DNAJC5B: variants seen among roughly 807,000 people sequenced by gnomAD.
DNAJC5B encodes dnaJ homolog subfamily C member 5B.
Under a neutral mutation model 24.7 loss-of-function variants are expected in DNAJC5B, and 23 were observed. The ratio of observed to expected loss-of-function variants is 0.93; its 90% CI spans 0.67 to 1.32. The LOEUF (loss-of-function observed/expected upper bound fraction) is 1.32. Among genes scored for constraint, DNAJC5B ranks in the 40% most tolerant of loss-of-function variants. The probability of loss-of-function intolerance (pLI) is 0.00; values close to 1 mark genes in which losing one functional copy is unlikely to be tolerated. For synonymous variants in DNAJC5B, 101 were observed against 90.1 expected, an observed-to-expected ratio of 1.12 and a Z score of -0.68; for missense variants, 238 against 240.8, an observed-to-expected ratio of 0.99 and a Z score of 0.08.
chr8:66,089,613 A>G (rs184217094), intron 5 of DNAJC5B, among the ~76,000 whole-genome samples: 1 of 152,300 alleles, frequency 6.6e-6, no homozygotes, highest in East Asian at 1.9e-4. Context: ...CCTTGACTCT[A>G]GCTAAAGTCT....
intron 4 of DNAJC5B, among the ~76,000 whole-genome samples, chr8:66,079,093 A>T (rs1446262398): frequency 6.6e-6 from 1 of 152,186 alleles, no homozygotes; most frequent in Non-Finnish European, 1.5e-5. Flanking sequence ...ATAACTTCAC[A>T]TTGGAGGAGT....
At chr8:66,021,851 G>A (rs1432778254) in intron 1 of DNAJC5B, 146 bp downstream of exon 1, 1 of 152,256 alleles carries the variant, frequency 6.6e-6, no homozygotes. Context: ...CATGAAGCCG[G>A]ACGGTGAGGA....
rs190137671 is a variant in DNAJC5B, at chr8:66,035,587, G to A, written c.-141-7901G>A. Among the ~76,000 whole-genome samples the A allele has an allele frequency of 6.6e-5, 10 of 152,286 alleles. No homozygotes were observed. In the East Asian group the frequency reaches 9.6e-4, roughly 15 times the overall value. ...GTGACACAAACCAATGATTGCTGGC[G>A]GCACAAGAGGCCAAGAGAAAGACAT... On this transcript the variant is annotated intron_variant, in intron 1 of 5. Transcript: ENST00000276570.
chr8:66,069,798 C>T (rs1807305087), intron 3 of DNAJC5B, among the ~76,000 whole-genome samples: 2 of 152,198 alleles, frequency 1.3e-5, no homozygotes, highest in South Asian at 4.1e-4. Flanking sequence ...AACATGGATG[C>T]AAAAATCCTC....
intron 5 of DNAJC5B, among the ~76,000 whole-genome samples, chr8:66,083,433 T>TAATGTTGTCTACATTTTTAGGG (rs1264100402): frequency 1.3e-5 from 2 of 152,228 alleles, no homozygotes; most frequent in African/African-American, 4.8e-5. Flanking sequence ...TCATTATTGA[T>TAATGTTGTCTACATTTTTAGGG]AATGTTGTCT....
chr8:66,032,021 C>T (rs1806371089), intron 1 of DNAJC5B, among the ~76,000 whole-genome samples: 1 of 152,220 alleles, frequency 6.6e-6, no homozygotes, highest in African/African-American at 2.4e-5. Context: ...TAGTCTTATT[C>T]CCATTTACTC....
chr8:66,067,208 C>T (rs1475028605), intron 3 of DNAJC5B, among the ~76,000 whole-genome samples: 1 of 150,308 alleles, frequency 6.7e-6, no homozygotes. Context: ...CACCGCCCCC[C>T]ACCCCCACAT....
At chr8:66,096,982 C>T (rs2128967390) in intron 5 of DNAJC5B, among the ~76,000 whole-genome samples, 1 of 152,178 alleles carries the variant, frequency 6.6e-6, no homozygotes, top group Admixed American at 6.5e-5. Flanking sequence ...ACCCGTGTAA[C>T]CTTGGCCTAG....
intron 1 of DNAJC5B, among the ~76,000 whole-genome samples, chr8:66,028,861 C>T (rs533735417): frequency 1.2e-4 from 18 of 152,162 alleles, no homozygotes; most frequent in Non-Finnish European, 2.1e-4. Context: ...AAGTTTTTCC[C>T]GTTGTTTATA....
intron 3 of DNAJC5B, among the ~76,000 whole-genome samples, chr8:66,055,075 T>G (rs1220009100): frequency 2.6e-5 from 4 of 152,256 alleles, no homozygotes; most frequent in Non-Finnish European, 5.9e-5. Flanking sequence ...TCAGGTCATA[T>G]GTTAATTAAG....
intron 5 of DNAJC5B, among the ~76,000 whole-genome samples, chr8:66,090,228 A>T (rs938956174): frequency 1.3e-5 from 2 of 149,314 alleles, no homozygotes; most frequent in East Asian, 2.0e-4. Flanking sequence ...ATGTATGTGT[A>T]TGTAGTGTGT....
At chr8:66,038,350 C>G (rs755638520) in intron 1 of DNAJC5B, among the ~76,000 whole-genome samples, 3 of 152,218 alleles carry the variant, frequency 2.0e-5, no homozygotes, top group Non-Finnish European at 4.4e-5. Context: ...ATTTCTTTCT[C>G]TTTCAAATAT....
intron 5 of DNAJC5B, among the ~76,000 whole-genome samples, chr8:66,086,599 A>T (rs531714795): frequency 6.6e-6 from 1 of 152,354 alleles, no homozygotes; most frequent in South Asian, 2.1e-4. Context: ...AAGGAAGAAG[A>T]CAAAATGCCT....
chr8:66,024,696 G>A (rs1174539842), intron 1 of DNAJC5B, among the ~76,000 whole-genome samples: 3 of 40,794 alleles, frequency 7.4e-5, no homozygotes, highest in African/African-American at 1.5e-4. Flanking sequence ...TTGTTCTTGC[G>A]ATAGTTTACT....
the DNAJC5B span, among the ~76,000 whole-genome samples, chr8:66,015,859 A>G: frequency 1.3e-5 from 2 of 152,224 alleles, no homozygotes; most frequent in Non-Finnish European, 2.9e-5. Context: ...AGGGACACAA[A>G]TGAAAGGCTT....
intron 2 of DNAJC5B, among the ~76,000 whole-genome samples, chr8:66,050,494 T>C (rs1296253101): frequency 1.3e-5 from 2 of 152,196 alleles, no homozygotes; most frequent in Non-Finnish European, 2.9e-5. Flanking sequence ...TACCCAAATG[T>C]TCAATTGTAT....
intron 3 of DNAJC5B, among the ~76,000 whole-genome samples, chr8:66,069,201 G>A (rs1807291605): frequency 6.6e-6 from 1 of 151,796 alleles, no homozygotes; most frequent in South Asian, 2.1e-4. Context: ...GTAGAATACG[G>A]TGACTAAACC....
At chr8:66,061,614 T>A (rs895399217) in intron 3 of DNAJC5B, among the ~76,000 whole-genome samples, 55 of 146,472 alleles carry the variant, frequency 3.8e-4, no homozygotes, top group Admixed American at 9.4e-4. Flanking sequence ...AGAGAGAGTG[T>A]GTGTGTGTGT....
chr8:66,079,563 A>G (rs1807545268), intron 4 of DNAJC5B, among the ~76,000 whole-genome samples: 1 of 152,190 alleles, frequency 6.6e-6, no homozygotes. Flanking sequence ...AGATGAATCC[A>G]CAGGGAGAGC....
Sources: allele counts gnomAD v4.1 joint callset (sites outside exome capture counted in the v4.1 genomes callset), GRCh38; gene constraint gnomAD v4.1.1; transcripts MANE v1.5; gene names NCBI Gene and HGNC (gene_info 2026-07-23, HGNC 2026-07-21).